The following LCP1 variants were observed in gnomAD, a reference collection of about 807,000 sequenced individuals.
LCP1 encodes plastin-2.
Under a neutral mutation model 72.0 loss-of-function variants are expected in LCP1, and 23 were observed. The ratio of observed to expected loss-of-function variants is 0.32; its 90% CI spans 0.23 to 0.45. The LOEUF (loss-of-function observed/expected upper bound fraction) is 0.45. LCP1 is among the 20% of genes least tolerant of loss of function. LCP1 has a pLI of 1.00. For missense variants in LCP1, 571 were observed against 748.3 expected (o/e 0.76, Z 2.76); for synonymous variants, 245 against 275.4 (o/e 0.89, Z 1.09).
At chr13:46,145,251 G>C (rs558212467) in intron 10 of LCP1, among the ~76,000 whole-genome samples, 117 of 152,300 alleles carry the variant, frequency 7.7e-4, no homozygotes, top group Non-Finnish European at 1.5e-3. Context: ...GCAAGGCAGA[G>C]ATATAATAAA....
intron 1 of LCP1, among the ~76,000 whole-genome samples, chr13:46,166,058 T>C (rs2045874727): frequency 6.6e-6 from 1 of 152,214 alleles, no homozygotes; most frequent in South Asian, 2.1e-4. Flanking sequence ...GTGCTGGTAT[T>C]TCCCAAGTCA....
In LCP1 at chr13:46,156,215, T is replaced by G. The variant is rs75592554; in HGVS notation, c.491+223A>C. ...TCTTCCATGTTTATCTCTATAATGT[T>G]TATCCCTCCTCTCCACTCAAGCAAT... On this transcript the variant is annotated intron_variant, in intron 5 of 15. Coordinates refer to ENST00000323076, the MANE Select transcript of LCP1 (RefSeq NM_002298.5). Among the ~76,000 whole-genome samples, 1,085 of 152,330 alleles carry G rather than the reference T, an allele frequency of 7.1e-3. 12 individuals carry two copies. Among genetic ancestry groups the G allele is most frequent in the African/African-American group, 0.025 (1,041 of 41,568 alleles).
Position 46,173,332 on chromosome 13 carries a change from C to T in LCP1, c.-25+8779G>A, listed in dbSNP as rs147365467. 1.3e-4 allele frequency among the ~76,000 whole-genome samples: 20 copies of T among 152,000 alleles called. No individual in the cohort carries two copies. The East Asian group carries it at 3.1e-3, about 23-fold the overall frequency. On this transcript the variant is annotated intron_variant, in intron 1 of 15. Transcript: ENST00000323076. ...AGGGGTGCTAATAATGCAATCACAC[C>T]GTTCATTTCATAGGGCAGCATTAGG...
intron 11 of LCP1, 37 bp downstream of exon 11, chr13:46,144,405 C>T: frequency 6.8e-7 from 1 of 1,481,256 alleles, no homozygotes; most frequent in Non-Finnish European, 9.4e-7. Context: ...TTTGAGGTCT[C>T]TATCTTACAT....
At chr13:46,147,562 G>A (rs1171581119) in intron 9 of LCP1, among the ~76,000 whole-genome samples, 1 of 152,124 alleles carries the variant, frequency 6.6e-6, no homozygotes, top group Non-Finnish European at 1.5e-5. Flanking sequence ...CATATGATTA[G>A]CATAACCACT....
intron 14 of LCP1, 134 bp downstream of exon 14, chr13:46,133,993 G>T: frequency 1.4e-6 from 1 of 698,690 alleles, no homozygotes; most frequent in Non-Finnish European, 2.3e-6. Context: ...ACAATAACGA[G>T]TCATTTAAGC....
chr13:46,173,485 A>G (rs567872842), intron 1 of LCP1, among the ~76,000 whole-genome samples: 2 of 152,346 alleles, frequency 1.3e-5, no homozygotes, highest in South Asian at 2.1e-4. Flanking sequence ...AGAAAATGTA[A>G]AAGAACTAGA....
At chr13:46,131,635 A>AAAATGT (rs565666562) in intron 14 of LCP1, among the ~76,000 whole-genome samples, 92 of 152,344 alleles carry the variant, frequency 6.0e-4, no homozygotes, top group African/African-American at 2.1e-3. Context: ...CTAGATAGAG[A>AAAATGT]AAATGTGGTA....
At chr13:46,135,805 A>G (rs2045661622) in intron 13 of LCP1, among the ~76,000 whole-genome samples, 1 of 143,474 alleles carries the variant, frequency 7.0e-6, no homozygotes, top group African/African-American at 2.6e-5. Flanking sequence ...CCCAGGCTGG[A>G]GTGCAGTGGA....
Position 46,174,548 on chromosome 13 carries a change from C to T in LCP1, c.-25+7563G>A, listed in dbSNP as rs1218853526. ...GACTTGGGATCTCTTCCTGATAGAACATGTGGAATTATAGGCCGGGTGCAG... is the reference window on the plus strand; with the variant it reads ...GACTTGGGATCTCTTCCTGATAGAATATGTGGAATTATAGGCCGGGTGCAG... On this transcript the variant is annotated intron_variant, in intron 1 of 15. Transcript: ENST00000323076. 3.3e-5 allele frequency among the ~76,000 whole-genome samples: 5 copies of T among 152,174 alleles called. No homozygotes were observed. The East Asian group carries it at 7.7e-4, about 23-fold the overall frequency.
At chr13:46,179,464 A>G (rs1227007341) in intron 1 of LCP1, among the ~76,000 whole-genome samples, 1 of 152,230 alleles carries the variant, frequency 6.6e-6, no homozygotes, top group Non-Finnish European at 1.5e-5. Context: ...CAGGTCTGTC[A>G]GCAAATAAGT....
At position 46,127,425 on chromosome 13, in the gene LCP1, T is replaced by C. The variant is rs2045605436; in HGVS notation, c.*166A>G. On this transcript the variant is annotated 3_prime_UTR_variant, in exon 16 of 16. Coordinates refer to ENST00000323076, the MANE Select transcript of LCP1 (RefSeq NM_002298.5). ...GGCCTCCTGCAAAGAATGAAGCACT[T>C]TTTGTTAAATACAGGAGAGGCTACT... The C allele has an allele frequency of 2.7e-6, 2 of 736,536 alleles. No homozygotes were observed. Among genetic ancestry groups the C allele is most frequent in the African/African-American group, 1.8e-5 (1 of 56,528 alleles). 45.6% of individuals were successfully genotyped at this position (736,536 alleles called of 1,614,324 possible).
At chr13:46,169,111 G>T (rs2045892355) in intron 1 of LCP1, among the ~76,000 whole-genome samples, 2 of 152,262 alleles carry the variant, frequency 1.3e-5, no homozygotes, top group African/African-American at 4.8e-5. Flanking sequence ...AGAGCTTATT[G>T]GAGGTGTGGC....
chr13:46,164,648 T>A (rs1272334507), intron 1 of LCP1, among the ~76,000 whole-genome samples: 1 of 152,232 alleles, frequency 6.6e-6, no homozygotes, highest in African/African-American at 2.4e-5. Flanking sequence ...GCAACTGACA[T>A]TGCTGTGATA....
intron 1 of LCP1, among the ~76,000 whole-genome samples, chr13:46,169,229 A>G (rs1360798176): frequency 6.6e-6 from 1 of 152,246 alleles, no homozygotes; most frequent in East Asian, 1.9e-4. Context: ...ACATATAGTA[A>G]GAACAATCCC....
Position 46,127,244 on chromosome 13 carries a change from G to A in LCP1, c.*347C>T, listed in dbSNP as rs920478628. 16 of 256,998 alleles carry A rather than the reference G, an allele frequency of 6.2e-5. No homozygotes were observed. Among genetic ancestry groups the A allele is most frequent in the Admixed American group, 5.1e-4 (10 of 19,422 alleles). The allele number at this position is 256,998 out of a possible 1,614,324, so 15.9% of individuals were successfully genotyped here. On this transcript the variant is annotated 3_prime_UTR_variant, in exon 16 of 16. Transcript: ENST00000323076. Reference sequence around the variant, plus strand: ...AGAAAAGGGAAGCCACATGAAGCTGGTTTGAAAGATTATATCAAAATTAAT... The same window carrying A: ...AGAAAAGGGAAGCCACATGAAGCTGATTTGAAAGATTATATCAAAATTAAT...
At chr13:46,162,645 A>C (rs182473772) in intron 1 of LCP1, among the ~76,000 whole-genome samples, 10 of 151,734 alleles carry the variant, frequency 6.6e-5, no homozygotes, top group Admixed American at 2.0e-4. Flanking sequence ...GATCTCGGCT[A>C]GCTACAACCT....
chr13:46,161,418 T>C (rs2045837695), intron 1 of LCP1, among the ~76,000 whole-genome samples: 1 of 152,198 alleles, frequency 6.6e-6, no homozygotes, highest in African/African-American at 2.4e-5. Flanking sequence ...ATTGGTACAT[T>C]GGATCTTTTA....
At chr13:46,173,722 A>G (rs1183033430) in intron 1 of LCP1, among the ~76,000 whole-genome samples, 1 of 152,182 alleles carries the variant, frequency 6.6e-6, no homozygotes, top group Admixed American at 6.5e-5. Flanking sequence ...GAAGTCAGGT[A>G]TTGCAGAACT....
Sources: allele counts gnomAD v4.1 joint callset (sites outside exome capture counted in the v4.1 genomes callset), GRCh38; gene constraint gnomAD v4.1.1; transcripts MANE v1.5; gene names NCBI Gene and HGNC (gene_info 2026-07-23, HGNC 2026-07-21).